TBC1D8: variants seen among roughly 807,000 people sequenced by gnomAD.
The protein encoded by TBC1D8 is BUB2-like protein 1.
Under a neutral mutation model 118.8 loss-of-function variants are expected in TBC1D8, and 65 were observed. The ratio of observed to expected loss-of-function variants is 0.55; its 90% CI spans 0.45 to 0.67. TBC1D8 has a LOEUF of 0.67. Among genes scored for constraint, TBC1D8 ranks in the 30% least tolerant of loss-of-function variants. TBC1D8 has a pLI of 0.00. For synonymous variants in TBC1D8, 566 were observed against 595.8 expected (o/e 0.95, Z 0.73); for missense variants, 1,376 against 1,471.2 (o/e 0.94, Z 1.06).
intron 1 of TBC1D8, among the ~76,000 whole-genome samples, chr2:101,126,041 C>T (rs1678338312): frequency 6.6e-6 from 1 of 152,106 alleles, no homozygotes; most frequent in Admixed American, 6.6e-5. Flanking sequence ...TTATTTGGCT[C>T]ACAGGTCTGC....
intron 15 of TBC1D8, among the ~76,000 whole-genome samples, chr2:101,022,909 G>A (rs1019655479): frequency 4.6e-5 from 7 of 151,970 alleles, no homozygotes; most frequent in African/African-American, 1.2e-4. Context: ...TTGGGAGACC[G>A]AGGTGGGTGG....
intron 5 of TBC1D8, among the ~76,000 whole-genome samples, chr2:101,045,505 G>C (rs1290210332): frequency 6.6e-6 from 1 of 152,228 alleles, no homozygotes; most frequent in Non-Finnish European, 1.5e-5. Flanking sequence ...CCAAACTCAG[G>C]CTGCGTGACA....
intron 8 of TBC1D8, 96 bp downstream of exon 8, chr2:101,037,436 A>G (rs1681082068): frequency 2.0e-6 from 3 of 1,509,658 alleles, no homozygotes; most frequent in African/African-American, 1.4e-5. Flanking sequence ...TCCCAAAGTC[A>G]GGTGCCACGT....
In TBC1D8 at chr2:101,027,466, A is replaced by G. The variant is rs1166862134; in HGVS notation, c.2452-15T>C. The G allele has an allele frequency of 1.2e-6, 2 of 1,612,244 alleles. No individual in the cohort carries two copies. The highest frequency in any genetic ancestry group is 1.7e-5 in the Admixed American group (1 of 59,978). ...ACGACTCGAAGCTTGAGGAAAGAAT[A>G]AACAGCAATGGCGTGAAATCTAGGC... is the stretch of plus-strand genomic sequence containing the variant. On this transcript the variant is annotated splice_polypyrimidine_tract_variant and intron_variant, in intron 14 of 19. Coordinates refer to ENST00000409318, the MANE Select transcript of TBC1D8 (RefSeq NM_001330348.2).
At chr2:101,036,273 G>A in intron 8 of TBC1D8, 105 bp from the exon 9 acceptor site, 1 of 1,316,740 alleles carries the variant, frequency 7.6e-7, no homozygotes, top group Non-Finnish European at 1.1e-6. Flanking sequence ...TGCTCTCCGA[G>A]GGGCCAACAG....
chr2:101,011,105 G>C, intron 18 of TBC1D8, 79 bp from the exon 19 acceptor site: 1 of 1,330,520 alleles, frequency 7.5e-7, no homozygotes, highest in Non-Finnish European at 1.1e-6. Context: ...GTAGGAGAGA[G>C]GAGCAAGGGG....
chr2:101,011,492 A>C lies in TBC1D8; in HGVS notation c.2876T>G (p.Leu959Arg). 1 of 1,613,912 alleles carries C rather than the reference A, an allele frequency of 6.2e-7. No individual in the cohort carries two copies. Among genetic ancestry groups the C allele is most frequent in the Non-Finnish European group, 8.5e-7 (1 of 1,179,806 alleles). The change falls in exon 18 of 20, where the codon CTG becomes CGG. Residue 959 changes from leucine (L) to arginine (R), a missense_variant. Coordinates refer to ENST00000409318, the MANE Select transcript of TBC1D8 (RefSeq NM_001330348.2). ...AACCAGGGGTCTCGATGTTGACAACAGAGGATTCCTCAACGGCGACTGGCT... is the reference window on the plus strand; with the variant it reads ...AACCAGGGGTCTCGATGTTGACAACCGAGGATTCCTCAACGGCGACTGGCT... Reference protein sequence around the residue: ...RDSQSPLRNPLLSTSRPLVFG... With the variant: ...RDSQSPLRNPRLSTSRPLVFG...
chr2:101,107,530 T>C (rs1677300686), intron 1 of TBC1D8, among the ~76,000 whole-genome samples: 1 of 152,200 alleles, frequency 6.6e-6, no homozygotes, highest in African/African-American at 2.4e-5. Flanking sequence ...GAAATATTTA[T>C]AGACATGCAT....
At chr2:101,113,239 CAT>C (rs928617451) in intron 1 of TBC1D8, among the ~76,000 whole-genome samples, 40 of 152,150 alleles carry the variant, frequency 2.6e-4, no homozygotes, top group African/African-American at 8.7e-4. Flanking sequence ...TTTTGGAAAA[CAT>C]ATAAAACCAC....
chr2:101,033,571 G>T lies in TBC1D8; in HGVS notation c.1791C>A (p.His597Gln), dbSNP rs1275466741. Residue 597 changes from histidine (H) to glutamine (Q), a missense_variant, in exon 10 of 20, where the codon CAC becomes CAA. By Grantham distance (24) the His-to-Gln change is conservative (BLOSUM62 0). Transcript: ENST00000409318. ...ALRRVLTAYAHRNPKIGYCQS... is the reference protein window; with the variant it reads ...ALRRVLTAYAQRNPKIGYCQS... ...GGCAGTATCCAATCTTGGGGTTCCG[G>T]TGGGCATAGGCCGTCAAGACTCTCC... 5.6e-6 allele frequency: 9 copies of T among 1,613,790 alleles called. No individual in the cohort carries two copies. In the Admixed American group the frequency reaches 1.5e-4, roughly 27 times the overall value.
chr2:101,054,435 C>A, intron 3 of TBC1D8, 99 bp from the exon 4 acceptor site: 1 of 1,227,902 alleles, frequency 8.1e-7, no homozygotes, highest in Admixed American at 2.2e-5. Context: ...TGCACAGGCC[C>A]CCGAGAAGTG....
chr2:101,073,160 G>A (rs1215484246), intron 2 of TBC1D8, among the ~76,000 whole-genome samples: 1 of 152,124 alleles, frequency 6.6e-6, no homozygotes, highest in East Asian at 1.9e-4. Context: ...ATATCAAGAG[G>A]AGCTTTGAAG....
At position 101,138,931 on chromosome 2, in the gene TBC1D8, G is replaced by A. The variant is rs560154787; in HGVS notation, c.127+12196C>T. Among the ~76,000 whole-genome samples the A allele has an allele frequency of 6.6e-5, 10 of 152,242 alleles. No homozygotes were observed. In the East Asian group the frequency reaches 1.7e-3, roughly 26 times the overall value. On this transcript the variant is annotated intron_variant, in intron 1 of 19. Coordinates refer to ENST00000409318, the MANE Select transcript of TBC1D8 (RefSeq NM_001330348.2). ...GCTGGTGACCAGTCTCCACCCAGGAGCCCACCAAGAGTCACCTCATTAGAA... is the reference window on the plus strand; with the variant it reads ...GCTGGTGACCAGTCTCCACCCAGGAACCCACCAAGAGTCACCTCATTAGAA...
intron 10 of TBC1D8, among the ~76,000 whole-genome samples, chr2:101,033,116 C>A (rs1680771343): frequency 7.6e-6 from 1 of 131,028 alleles, no homozygotes; most frequent in South Asian, 2.5e-4. Context: ...TTCAGGCACT[C>A]GGTAAATTTT....
intron 5 of TBC1D8, among the ~76,000 whole-genome samples, chr2:101,044,450 C>T (rs906939305): frequency 7.2e-5 from 11 of 152,216 alleles, no homozygotes; most frequent in African/African-American, 2.7e-4. Flanking sequence ...TATATCAACT[C>T]CTTTTACTGA....
chr2:101,062,252 T>C (rs937774786), intron 2 of TBC1D8, among the ~76,000 whole-genome samples: 86 of 152,090 alleles, frequency 5.7e-4, no homozygotes, highest in African/African-American at 1.4e-3. Context: ...CTTTTCTTTC[T>C]AGGTCTTTAT....
At chr2:101,139,087 C>T (rs1186906402) in intron 1 of TBC1D8, among the ~76,000 whole-genome samples, 2 of 151,990 alleles carry the variant, frequency 1.3e-5, no homozygotes, top group Non-Finnish European at 2.9e-5. Context: ...TTCTTCCATG[C>T]ATTTTTTTTT....
At chr2:101,149,968 C>G (rs1315605279) in intron 1 of TBC1D8, among the ~76,000 whole-genome samples, 1 of 152,180 alleles carries the variant, frequency 6.6e-6, no homozygotes, top group Non-Finnish European at 1.5e-5. Context: ...CATGGGGAAC[C>G]CTCAGCTGCC....
At chr2:101,100,698 C>G (rs933353563) in intron 1 of TBC1D8, among the ~76,000 whole-genome samples, 12 of 152,168 alleles carry the variant, frequency 7.9e-5, no homozygotes, top group African/African-American at 2.9e-4. Context: ...GGCACACAGA[C>G]CAATGCAGCA....
Sources: allele counts gnomAD v4.1 joint callset (sites outside exome capture counted in the v4.1 genomes callset), GRCh38; gene constraint gnomAD v4.1.1; transcripts MANE v1.5; gene names NCBI Gene and HGNC (gene_info 2026-07-23, HGNC 2026-07-21).